AQP1: variants seen among roughly 807,000 people sequenced by gnomAD.
AQP1 encodes aquaporin 1 (Colton blood group), also known as aquaporin-1.
Under a neutral mutation model 19.7 loss-of-function variants are expected in AQP1, and 11 were observed. That is an observed-to-expected ratio of 0.56 (90% confidence interval 0.35 to 0.92). The LOEUF (loss-of-function observed/expected upper bound fraction) is 0.92. AQP1 is among the 40% of genes least tolerant of loss of function. The pLI is 0.01. For missense variants in AQP1, 320 were observed against 369.7 expected, an observed-to-expected ratio of 0.87 and a Z score of 1.10; for synonymous variants, 159 against 166.7, an observed-to-expected ratio of 0.95 and a Z score of 0.36.
At chr7:30,921,798 C>A in intron 1 of AQP1, 2 of 1,550,606 alleles carry the variant, frequency 1.3e-6, no homozygotes. Flanking sequence ...CACCCCAGGC[C>A]TCTCCAGCTT....
rs762474222 is a variant in AQP1 at position 30,912,216 on chromosome 7, G to A, written c.307G>A (p.Val103Met). 40 of 1,610,744 alleles carry A rather than the reference G, an allele frequency of 2.5e-5. No individual in the cohort carries two copies. The highest frequency in any genetic ancestry group is 1.6e-4 in the Middle Eastern group (1 of 6,084). Reference protein sequence around the residue: ...RALMYIIAQCVGAIVATAILS... With the variant: ...RALMYIIAQCMGAIVATAILS... ...CCTCATGTACATCATCGCCCAGTGCGTGGGGGCCATCGTCGCCACCGCCAT... is the reference window on the plus strand; with the variant it reads ...CCTCATGTACATCATCGCCCAGTGCATGGGGGCCATCGTCGCCACCGCCAT... Residue 103 changes from valine (V) to methionine (M), a missense_variant, in exon 1 of 4, where the codon GTG (valine) becomes ATG (methionine). Val to Met is a conservative substitution (Grantham distance 21). Transcript: ENST00000311813. The surrounding 1 kb of genome is among the most constrained non-coding windows in gnomAD (Gnocchi z 4.3).
At position 30,925,279 on chromosome 7, in the gene AQP1, C is replaced by T. The variant is rs1791649565; in HGVS notation, c.*1650C>T. ...ACCAAGGCCCTGTCTCTGGCTACTC[C>T]CTGGACCACGAGGCTGATTCCTCTC... On this transcript the variant is annotated 3_prime_UTR_variant, in exon 4 of 4. Transcript: ENST00000311813. 1 of 152,164 alleles carries T rather than the reference C, an allele frequency of 6.6e-6. No homozygotes were observed. Among genetic ancestry groups the T allele is most frequent in the African/African-American group, 2.4e-5 (1 of 41,412 alleles). 9.4% of individuals were successfully genotyped at this position (152,164 alleles called of 1,614,324 possible). A position where few individuals can be genotyped will look rare whatever the true frequency, so the allele number is the denominator to read the frequency against.
intron 1 of AQP1, among the ~76,000 whole-genome samples, chr7:30,917,684 G>A (rs1052819561): frequency 6.6e-6 from 1 of 152,172 alleles, no homozygotes; most frequent in African/African-American, 2.4e-5. Context: ...GGAGGCCGAG[G>A]CACTTGGTCA....
chr7:30,914,927 G>T (rs1271223364), intron 1 of AQP1, among the ~76,000 whole-genome samples: 1 of 152,240 alleles, frequency 6.6e-6, no homozygotes, highest in African/African-American at 2.4e-5. Flanking sequence ...GCAAGGTCCC[G>T]GCTAGTTCTA....
chr7:30,915,877 G>A (rs1280624407), intron 1 of AQP1, among the ~76,000 whole-genome samples: 4 of 152,192 alleles, frequency 2.6e-5, no homozygotes, highest in Non-Finnish European at 5.9e-5. Context: ...GAGCTCAGGG[G>A]AGGGATGGGG....
rs1236861548 is a variant in AQP1 at position 30,912,164 on chromosome 7, C to T, written c.255C>T (p.Leu85=). Residue 85 remains leucine (L), a synonymous_variant, in exon 1 of 4, where the codon CTC becomes CTT. Transcript: ENST00000311813. The surrounding 1 kb of genome is among the most constrained non-coding windows in gnomAD (Gnocchi z 4.3). ...LNPAVTLGLL[L]SCQISIFRAL... is the part of the protein sequence containing the mutation. Reference sequence around the variant, plus strand: ...CGGCTGTCACACTGGGGCTGCTGCTCAGCTGCCAGATCAGCATCTTCCGTG... The same window carrying T: ...CGGCTGTCACACTGGGGCTGCTGCTTAGCTGCCAGATCAGCATCTTCCGTG... The T allele has an allele frequency of 4.3e-6, 7 of 1,612,962 alleles. No individual in the cohort carries two copies. Among genetic ancestry groups the T allele is most frequent in the Non-Finnish European group, 5.9e-6 (7 of 1,180,040 alleles).
intron 1 of AQP1, among the ~76,000 whole-genome samples, chr7:30,916,689 C>T (rs1051471776): frequency 5.9e-5 from 9 of 152,228 alleles, no homozygotes; most frequent in African/African-American, 1.4e-4. Flanking sequence ...CCGGAAAATG[C>T]CCCCGGCCCT....
rs1791606822 is a variant in AQP1 at position 30,923,959 on chromosome 7, C to A, written c.*330C>A. 7.1e-7 allele frequency: 1 copy of A among 1,409,358 alleles called. No individual in the cohort carries two copies. Among genetic ancestry groups the A allele is most frequent in the South Asian group, 1.1e-5 (1 of 87,482 alleles). The allele number at this position is 1,409,358 out of a possible 1,614,324, so 87.3% of individuals were successfully genotyped here. A position where few individuals can be genotyped will look rare whatever the true frequency, so the allele number is the denominator to read the frequency against. On this transcript the variant is annotated 3_prime_UTR_variant, in exon 4 of 4. Coordinates refer to ENST00000311813, the MANE Select transcript of AQP1 (RefSeq NM_198098.4). This position sits in a 1 kb window ranked among gnomAD's most constrained non-coding sequence, Gnocchi z 4.8. Reference sequence around the variant, plus strand: ...GTGTGCCAGAAAGTCCCCCCTCGCCCCAAAGTTGCTCACCGACTCACCTGC... The same window carrying A: ...GTGTGCCAGAAAGTCCCCCCTCGCCACAAAGTTGCTCACCGACTCACCTGC...
At chr7:30,914,282 G>A (rs374674341) in intron 1 of AQP1, among the ~76,000 whole-genome samples, 7 of 152,326 alleles carry the variant, frequency 4.6e-5, no homozygotes, top group South Asian at 4.1e-4. Context: ...GGTTCAAGAC[G>A]TGTCCACTGC....
Position 30,923,635 on chromosome 7 carries a change from G to A in AQP1, c.*6G>A, listed in dbSNP as rs758320085. ...TGGAGATGAAGCCCAAATAGAAGGG[G>A]TCTGGCCCGGGCATCCACGTAGGGG... On this transcript the variant is annotated 3_prime_UTR_variant, in exon 4 of 4. Transcript: ENST00000311813. This position sits in a 1 kb window ranked among gnomAD's most constrained non-coding sequence, Gnocchi z 4.8. 5.7e-6 allele frequency: 9 copies of A among 1,566,608 alleles called. No individual in the cohort carries two copies. The Admixed American group carries it at 6.9e-5, about 12-fold the overall frequency.
chr7:30,924,160 G>T lies in AQP1; in HGVS notation c.*531G>T. On this transcript the variant is annotated 3_prime_UTR_variant, in exon 4 of 4. Transcript: ENST00000311813. ...CTGCTTGCTCCCAAGCCCCTGACCC[G>T]CTCGGACTTACTGCCTGACCTTGGA... 1 of 1,160,294 alleles carries T rather than the reference G, an allele frequency of 8.6e-7. No homozygotes were observed. The highest frequency in any genetic ancestry group is 1.1e-6 in the Non-Finnish European group (1 of 924,370). 71.9% of individuals were successfully genotyped at this position (1,160,294 alleles called of 1,614,324 possible).
chr7:30,923,884 G>A lies in AQP1; in HGVS notation c.*255G>A, dbSNP rs1012434415. On this transcript the variant is annotated 3_prime_UTR_variant, in exon 4 of 4. Coordinates refer to ENST00000311813, the MANE Select transcript of AQP1 (RefSeq NM_198098.4). The surrounding 1 kb of genome is among the most constrained non-coding windows in gnomAD (Gnocchi z 4.8). ...CCACTCCCTTGAAGTTGTGGAGGAG[G>A]TGAAAGAAAGGGACCCACCTGCTAG... The A allele has an allele frequency of 1.3e-6, 2 of 1,490,480 alleles. No homozygotes were observed. The highest frequency in any genetic ancestry group is 2.8e-5 in the African/African-American group (2 of 72,514). The allele number at this position is 1,490,480 out of a possible 1,614,324, so 92.3% of individuals were successfully genotyped here.
At chr7:30,920,035 C>T (rs770671593) in intron 1 of AQP1, among the ~76,000 whole-genome samples, 1 of 152,174 alleles carries the variant, frequency 6.6e-6, no homozygotes, top group African/African-American at 2.4e-5. Flanking sequence ...AACTATCACC[C>T]TCTGCTCTGC....
In AQP1 at chr7:30,914,070, C is replaced by T. The variant is rs28362699; in HGVS notation, c.384+1777C>T. ...GGCGAAGGCTTCACCCTCTAGTATG[C>T]GCATCCGAGGCAGAGGCGGGAGGGT... On this transcript the variant is annotated intron_variant, in intron 1 of 3. Coordinates refer to ENST00000311813, the MANE Select transcript of AQP1 (RefSeq NM_198098.4). Among the ~76,000 whole-genome samples, 1,017 of 152,310 alleles carry T rather than the reference C, an allele frequency of 6.7e-3. 10 individuals are homozygous for T. Among genetic ancestry groups the T allele is most frequent in the African/African-American group, 0.024 (978 of 41,574 alleles).
intron 1 of AQP1, among the ~76,000 whole-genome samples, chr7:30,920,294 C>T (rs914791582): frequency 2.6e-5 from 4 of 152,142 alleles, no homozygotes; most frequent in African/African-American, 9.7e-5. Flanking sequence ...GAAGGAGCCA[C>T]GAGCTTCCTG....
At chr7:30,921,908 C>G in intron 1 of AQP1, 158 bp from the exon 2 acceptor site, 1 of 1,528,950 alleles carries the variant, frequency 6.5e-7, no homozygotes, top group Non-Finnish European at 8.9e-7. Flanking sequence ...CACTACCTGC[C>G]GTGTAGGCTT....
At chr7:30,921,891 T>C (rs1791512148) in intron 1 of AQP1, 175 bp from the exon 2 acceptor site, 1 of 1,526,656 alleles carries the variant, frequency 6.6e-7, no homozygotes, top group Non-Finnish European at 8.8e-7. Context: ...GTTCAAGGCC[T>C]GATTTCCACT....
In AQP1 at chr7:30,911,902, C is replaced by T; in HGVS notation, c.-8C>T. 2 of 1,613,052 alleles carry T rather than the reference C, an allele frequency of 1.2e-6. No individual in the cohort carries two copies. Among genetic ancestry groups the T allele is most frequent in the East Asian group, 2.2e-5 (1 of 44,874 alleles). On this transcript the variant is annotated 5_prime_UTR_variant, in exon 1 of 4. Transcript: ENST00000311813. ...CGGCAGCGGTCTCAGGCCAAGCCCCCTGCCAGCATGGCCAGCGAGTTCAAG... is the reference window on the plus strand; with the variant it reads ...CGGCAGCGGTCTCAGGCCAAGCCCCTTGCCAGCATGGCCAGCGAGTTCAAG...
At chr7:30,917,524 C>G (rs1292391536) in intron 1 of AQP1, among the ~76,000 whole-genome samples, 1 of 152,178 alleles carries the variant, frequency 6.6e-6, no homozygotes, top group Non-Finnish European at 1.5e-5. Flanking sequence ...TCTTCCCTCT[C>G]TAGCTGGTAG....
Sources: allele counts gnomAD v4.1 joint callset (sites outside exome capture counted in the v4.1 genomes callset), GRCh38; gene constraint gnomAD v4.1.1; non-coding constraint Gnocchi (gnomAD v3.1); transcripts MANE v1.5; gene names NCBI Gene and HGNC (gene_info 2026-07-23, HGNC 2026-07-21).